Variants in ELAVL4 observed in about 807,000 individuals in gnomAD.
The protein encoded by ELAVL4 is ELAV-like protein 4.
In ELAVL4, 1 loss-of-function variant was observed where a neutral mutation model predicts 35.6. That is an observed-to-expected ratio of 0.03 (90% CI 0.01 to 0.13). The LOEUF (loss-of-function observed/expected upper bound fraction) is 0.13. Among genes scored for constraint, ELAVL4 ranks in the 10% least tolerant of loss-of-function variants. The probability of loss-of-function intolerance (pLI) is 1.00; values close to 1 mark genes in which losing one functional copy is unlikely to be tolerated. For synonymous variants in ELAVL4, 156 were observed against 171.0 expected, an observed-to-expected ratio of 0.91 and a Z score of 0.69; for missense variants, 267 against 464.9, an observed-to-expected ratio of 0.57 and a Z score of 3.91.
At position 50,152,621 on chromosome 1, in the gene ELAVL4, C is replaced by G. The variant is rs1674991596; in HGVS notation, c.250+7424C>G. Among the ~76,000 whole-genome samples, 6 of 152,294 alleles carry G rather than the reference C, an allele frequency of 3.9e-5. No homozygotes were observed. In the South Asian group the frequency reaches 1.2e-3, roughly 32 times the overall value. On this transcript the variant is annotated intron_variant, in intron 2 of 6. Coordinates refer to ENST00000371824, the MANE Select transcript of ELAVL4 (RefSeq NM_001144774.3). ...AATGGGAAATTCATTTTCTTCTTGT[C>G]TTCTGTGAGGTGTAGTAGTGGTGAT...
chr1:50,076,026 G>A lies in ELAVL4; in HGVS notation c.18+27844G>A, dbSNP rs749293963. Among the ~76,000 whole-genome samples, 11 of 151,978 alleles carry A rather than the reference G, an allele frequency of 7.2e-5. No homozygotes were observed. In the East Asian group the frequency reaches 1.2e-3, roughly 16 times the overall value. On this transcript the variant is annotated intron_variant, in intron 1 of 6. Transcript: ENST00000448907. ...TGCATTTTAGTAGAGATGGGGTTTC[G>A]CCATGTTGGCCAGGCTGGCCTCAAA...
At chr1:50,156,784 G>C (rs1041674015) in intron 2 of ELAVL4, among the ~76,000 whole-genome samples, 1 of 152,164 alleles carries the variant, frequency 6.6e-6, no homozygotes, top group African/African-American at 2.4e-5. Flanking sequence ...TCTGCCAGCT[G>C]GGACGAGAGA....
chr1:50,163,664 A>G (rs899585929), intron 2 of ELAVL4, among the ~76,000 whole-genome samples: 3 of 152,150 alleles, frequency 2.0e-5, no homozygotes, highest in Admixed American at 6.5e-5. Flanking sequence ...CGTCTCTACT[A>G]AAAATACAAA....
chr1:50,079,002 CT>C (rs1251731800), intron 1 of ELAVL4, among the ~76,000 whole-genome samples: 1 of 152,182 alleles, frequency 6.6e-6, no homozygotes, highest in Non-Finnish European at 1.5e-5. Flanking sequence ...GATCTGAGTT[CT>C]AGTTATTATC....
chr1:50,108,031 G>A (rs1435272684), upstream of ELAVL4, among the ~76,000 whole-genome samples: 3 of 152,192 alleles, frequency 2.0e-5, no homozygotes, highest in East Asian at 3.8e-4. Context: ...TTGAAATGAG[G>A]CTGTTGTCAA....
intron 3 of ELAVL4, among the ~76,000 whole-genome samples, chr1:50,191,567 GAC>G (rs373746556): frequency 7.9e-5 from 12 of 151,816 alleles, no homozygotes; most frequent in Non-Finnish European, 1.2e-4. Flanking sequence ...AGTTGAATAG[GAC>G]ACACACACAC....
chr1:50,059,260 A>G (rs1663836732), intron 1 of ELAVL4, among the ~76,000 whole-genome samples: 2 of 152,210 alleles, frequency 1.3e-5, no homozygotes, highest in Admixed American at 6.5e-5. Flanking sequence ...ACTACACTAA[A>G]ACTTAGCAAG....
At chr1:50,101,527 T>C (rs555912805), upstream of ELAVL4, among the ~76,000 whole-genome samples, 19 of 152,340 alleles carry the variant, frequency 1.2e-4, no homozygotes, top group African/African-American at 4.1e-4. Context: ...TGCTATTTTT[T>C]AGTTGAGAAA....
chr1:50,168,376 G>A (rs1231294108), intron 2 of ELAVL4, among the ~76,000 whole-genome samples: 1 of 152,070 alleles, frequency 6.6e-6, no homozygotes, highest in Non-Finnish European at 1.5e-5. Context: ...TAGACACCTG[G>A]CGAGGCTGTG....
intron 1 of ELAVL4, among the ~76,000 whole-genome samples, chr1:50,087,207 A>G (rs1665286441): frequency 6.6e-6 from 1 of 152,198 alleles, no homozygotes; most frequent in African/African-American, 2.4e-5. Context: ...CCAGAAATGG[A>G]ATTTTAAAAC....
chr1:50,048,589 G>C (rs1283388999), intron 1 of ELAVL4, among the ~76,000 whole-genome samples: 1 of 152,196 alleles, frequency 6.6e-6, no homozygotes, highest in Non-Finnish European at 1.5e-5. Context: ...GAACGTCCTG[G>C]TGGCGCCAAA....
At chr1:50,048,082 A>G in exon 1 of ELAVL4, 1 of 1,411,420 alleles carries the variant, frequency 7.1e-7, no homozygotes, top group East Asian at 2.8e-5. Context: ...GAGAGCGGTG[A>G]GACTCTGCGG....
chr1:50,135,436 T>C (rs937226716), intron 1 of ELAVL4, among the ~76,000 whole-genome samples: 1 of 152,186 alleles, frequency 6.6e-6, no homozygotes, highest in Non-Finnish European at 1.5e-5. Context: ...TGAGAAACTC[T>C]GAAGGAGACT....
rs1040459611 is a variant in ELAVL4 at position 50,068,411 on chromosome 1, G to T, written c.18+20229G>T. Among the ~76,000 whole-genome samples the T allele has an allele frequency of 3.6e-4, 55 of 152,130 alleles. 1 individual carries two copies. Among genetic ancestry groups the T allele is most frequent in the African/African-American group, 1.3e-3 (54 of 41,412 alleles). On this transcript the variant is annotated intron_variant, in intron 1 of 6. Transcript: ENST00000448907. The stretch of plus-strand genomic sequence containing the variant: ...AAGAGGTAGAAGACAGGACCAAGCT[G>T]GGACCAATGGCTGGAGGTTTCAAAA...
At chr1:50,197,332 T>C in intron 5 of ELAVL4, 97 bp from the exon 6 acceptor site, 1 of 1,315,112 alleles carries the variant, frequency 7.6e-7, no homozygotes, top group Non-Finnish European at 1.0e-6. Flanking sequence ...TTGTTGAGCT[T>C]TTCTTCTTTG....
intron 6 of ELAVL4, 71 bp downstream of exon 6, chr1:50,197,538 A>C: frequency 1.5e-6 from 2 of 1,327,102 alleles, no homozygotes; most frequent in Non-Finnish European, 2.0e-6. Context: ...TTTTTTTTTA[A>C]TTCACTAACT....
intron 2 of ELAVL4, among the ~76,000 whole-genome samples, chr1:50,154,853 T>C (rs961474138): frequency 3.3e-5 from 5 of 151,912 alleles, no homozygotes; most frequent in African/African-American, 4.8e-5. Context: ...AGGATTTTCA[T>C]TGGCTTATTA....
At chr1:50,187,578 G>T (rs565266238) in intron 3 of ELAVL4, among the ~76,000 whole-genome samples, 2 of 152,296 alleles carry the variant, frequency 1.3e-5, no homozygotes, top group South Asian at 4.1e-4. Flanking sequence ...TCTAGAGCAG[G>T]TGCTCACTTT....
In ELAVL4 at chr1:50,201,014, A is replaced by C; in HGVS notation, c.937A>C (p.Lys313Gln). Residue 313 changes from lysine to glutamine, a missense_variant, in exon 7 of 7, where the codon AAG becomes CAG. Transcript: ENST00000371824. The surrounding 1 kb of genome is among the most constrained non-coding windows in gnomAD (Gnocchi z 4.3). Reference sequence around the variant, plus strand: ...CCCCTTTGGAGCAGTGAACAACGTAAAGGTGATTCGTGACTTCAACACCAA... The same window carrying C: ...CCCCTTTGGAGCAGTGAACAACGTACAGGTGATTCGTGACTTCAACACCAA... ...FGPFGAVNNV[K>Q]VIRDFNTNKC... is the part of the protein sequence containing the mutation. The C allele has an allele frequency of 1.2e-6, 2 of 1,614,062 alleles. No homozygotes were observed. Among genetic ancestry groups the C allele is most frequent in the Non-Finnish European group, 1.7e-6 (2 of 1,179,974 alleles).
Sources: gnomAD v4.1 joint callset for allele counts (sites outside exome capture counted in the v4.1 genomes callset) on GRCh38, gnomAD v4.1.1 for gene constraint, Gnocchi (gnomAD v3.1) non-coding constraint, MANE v1.5 for transcripts, NCBI Gene and HGNC (gene_info 2026-07-23, HGNC 2026-07-21) for gene names.